Variants in MSI2 observed in about 807,000 individuals in gnomAD.
The protein encoded by MSI2 is RNA-binding protein Musashi homolog 2.
In MSI2, 17 loss-of-function variants were observed where a neutral mutation model predicts 45.6. The ratio of observed to expected loss-of-function variants is 0.37; its 90% confidence interval spans 0.26 to 0.56. The LOEUF (loss-of-function observed/expected upper bound fraction) is 0.56. Among genes scored for constraint, MSI2 ranks in the 20% least tolerant of loss-of-function variants. The pLI is 0.77. For missense variants in MSI2, 293 were observed against 444.2 expected (o/e 0.66, Z 3.06); for synonymous variants, 156 against 158.2 (o/e 0.99, Z 0.11).
chr17:57,579,295 C>T (rs972232387), intron 7 of MSI2, among the ~76,000 whole-genome samples: 21 of 152,114 alleles, frequency 1.4e-4, no homozygotes, highest in Non-Finnish European at 2.1e-4. Flanking sequence ...TATCTGTGCT[C>T]GGTGATTTTC....
intron 8 of MSI2, among the ~76,000 whole-genome samples, chr17:57,604,783 G>A (rs965894215): frequency 2.0e-5 from 3 of 152,156 alleles, no homozygotes; most frequent in African/African-American, 7.2e-5. Flanking sequence ...CAGGGCTGCG[G>A]TGCTGTGACC....
chr17:57,665,268 A>T (rs551974395), intron 11 of MSI2, among the ~76,000 whole-genome samples: 2 of 152,214 alleles, frequency 1.3e-5, no homozygotes, highest in African/African-American at 2.4e-5. Flanking sequence ...GATTAAGGGC[A>T]TGTACCAGTA....
rs1913644057 is a variant in MSI2 at position 57,682,157 on chromosome 17, A to G, written c.*2640A>G. 1 of 193,276 alleles carries G rather than the reference A, an allele frequency of 5.2e-6. No individual in the cohort carries two copies. The highest frequency in any genetic ancestry group is 1.9e-4 in the South Asian group (1 of 5,174). The allele number at this position is 193,276 out of a possible 1,614,324, so 12.0% of individuals were successfully genotyped here. On this transcript the variant is annotated 3_prime_UTR_variant, in exon 14 of 14. Transcript: ENST00000284073. ...ACCAGTAAGGATAGAACTTTCTCTT[A>G]TTTATGAAAAAAAATGCTAATAATT...
chr17:57,317,781 A>G (rs2143647660), intron 5 of MSI2, among the ~76,000 whole-genome samples: 1 of 152,280 alleles, frequency 6.6e-6, no homozygotes, highest in Non-Finnish European at 1.5e-5. Context: ...AGCCCAGGAT[A>G]ATGTGTATTT....
intron 5 of MSI2, among the ~76,000 whole-genome samples, chr17:57,385,538 C>T (rs1162667526): frequency 6.6e-6 from 1 of 152,158 alleles, no homozygotes; most frequent in Non-Finnish European, 1.5e-5. Flanking sequence ...GTAATCCCAG[C>T]TACTCACAAG....
At chr17:57,512,784 A>C (rs1230367283) in intron 6 of MSI2, among the ~76,000 whole-genome samples, 1 of 152,124 alleles carries the variant, frequency 6.6e-6, no homozygotes, top group Non-Finnish European at 1.5e-5. Context: ...GCTCAGGTGA[A>C]GCCAGCCTTG....
At chr17:57,539,836 C>T (rs780948601) in intron 7 of MSI2, among the ~76,000 whole-genome samples, 3 of 152,116 alleles carry the variant, frequency 2.0e-5, no homozygotes, top group Non-Finnish European at 2.9e-5. Flanking sequence ...CAAAGTGCTT[C>T]GTAATTCAAG....
intron 8 of MSI2, chr17:57,606,214 C>T (rs542570651): frequency 2.6e-5 from 4 of 152,582 alleles, no homozygotes; most frequent in South Asian, 4.1e-4. Flanking sequence ...TCAGTGAACA[C>T]AGATGTGACC....
Position 57,293,166 on chromosome 17 carries a change from T to C in MSI2, c.312+30974T>C, listed in dbSNP as rs555521775. The stretch of plus-strand genomic sequence containing the variant: ...CAGCATTACCCAGTGCCCATGGTTT[T>C]CAGAGCCACCCCTGGGTGAACTGAG... On this transcript the variant is annotated intron_variant, in intron 5 of 13. Transcript: ENST00000284073. 4.6e-4 allele frequency among the ~76,000 whole-genome samples: 70 copies of C among 151,808 alleles called. 1 individual carries two copies. In the South Asian group the frequency reaches 4.8e-3, roughly 10 times the overall value.
At chr17:57,642,964 CCT>C (rs746941775) in intron 10 of MSI2, among the ~76,000 whole-genome samples, 61 of 152,296 alleles carry the variant, frequency 4.0e-4, no homozygotes, top group Non-Finnish European at 8.1e-4. Context: ...CTTCCTGCCC[CCT>C]GAGAGAGTCG....
intron 7 of MSI2, among the ~76,000 whole-genome samples, chr17:57,543,438 C>T (rs780953423): frequency 6.6e-6 from 1 of 152,202 alleles, no homozygotes; most frequent in African/African-American, 2.4e-5. Context: ...GGGGACGGCA[C>T]GCTTTAGCCA....
At chr17:57,271,953 C>T (rs952219303) in intron 5 of MSI2, among the ~76,000 whole-genome samples, 3 of 152,018 alleles carry the variant, frequency 2.0e-5, no homozygotes, top group African/African-American at 4.8e-5. Context: ...ACAATGGAAG[C>T]GGGCTTTTGG....
intron 6 of MSI2, among the ~76,000 whole-genome samples, chr17:57,471,453 G>A (rs1452914852): frequency 6.6e-6 from 1 of 151,940 alleles, no homozygotes; most frequent in Non-Finnish European, 1.5e-5. Context: ...ACCATGCCCG[G>A]CTAATTTTTG....
At chr17:57,463,931 A>AC (rs1567839339) in intron 6 of MSI2, among the ~76,000 whole-genome samples, 1 of 151,728 alleles carries the variant, frequency 6.6e-6, no homozygotes, top group Non-Finnish European at 1.5e-5. Context: ...GAATTTTGTC[A>AC]CCCCTAAAGT....
At chr17:57,638,264 C>G (rs533022985) in intron 10 of MSI2, among the ~76,000 whole-genome samples, 64 of 152,262 alleles carry the variant, frequency 4.2e-4, no homozygotes, top group Admixed American at 1.1e-3. Context: ...AATCCCCTGC[C>G]CCTGAGAGAC....
chr17:57,519,274 C>G (rs73991845), intron 6 of MSI2, among the ~76,000 whole-genome samples: 33,323 of 152,104 alleles, frequency 0.22, 4,065 homozygotes, highest in African/African-American at 0.33. Context: ...TGTGTGCATG[C>G]AGGCGAGGGG....
chr17:57,681,602 T>G lies in MSI2; in HGVS notation c.*2085T>G, dbSNP rs1289448361. 1.1e-5 allele frequency: 2 copies of G among 184,708 alleles called. No homozygotes were observed. Among genetic ancestry groups the G allele is most frequent in the African/African-American group, 4.7e-5 (2 of 42,614 alleles). The allele number at this position is 184,708 out of a possible 1,614,324, so 11.4% of individuals were successfully genotyped here. On this transcript the variant is annotated 3_prime_UTR_variant, in exon 14 of 14. Transcript: ENST00000284073. ...AAAGAAAGAAAAAACCCGTTTTCAA[T>G]TCTAATGAAACAGCAACAACATTTT...
chr17:57,398,274 A>G (rs2083926952), intron 5 of MSI2, among the ~76,000 whole-genome samples: 1 of 152,254 alleles, frequency 6.6e-6, no homozygotes, highest in East Asian at 1.9e-4. Context: ...CCGACTCTAA[A>G]CAGTGTATAA....
In MSI2 at chr17:57,299,509, A is replaced by C. The variant is rs893679218; in HGVS notation, c.312+37317A>C. 3.9e-5 allele frequency among the ~76,000 whole-genome samples: 6 copies of C among 152,336 alleles called. No homozygotes were observed. The South Asian group carries it at 8.3e-4, about 21-fold the overall frequency. ...GGGCTAATTTCAGTATTGTGTCTACAGGCCTGCGGGAAGGGGAAGGGACGT... is the reference window on the plus strand; with the variant it reads ...GGGCTAATTTCAGTATTGTGTCTACCGGCCTGCGGGAAGGGGAAGGGACGT... On this transcript the variant is annotated intron_variant, in intron 5 of 13. Coordinates refer to ENST00000284073, the MANE Select transcript of MSI2 (RefSeq NM_138962.4).
Sources: allele counts gnomAD v4.1 joint callset (sites outside exome capture counted in the v4.1 genomes callset), GRCh38; gene constraint gnomAD v4.1.1; transcripts MANE v1.5; gene names NCBI Gene and HGNC (gene_info 2026-07-23, HGNC 2026-07-21).